ANKRD28: variants seen among roughly 807,000 people sequenced by gnomAD.
ANKRD28 encodes the protein ankyrin repeat domain 28.
Under a neutral mutation model 126.5 loss-of-function variants are expected in ANKRD28, and 44 were observed. The ratio of observed to expected loss-of-function variants is 0.35; its 90% CI spans 0.27 to 0.45. The LOEUF (loss-of-function observed/expected upper bound fraction) is 0.45. Among genes scored for constraint, ANKRD28 ranks in the 20% least tolerant of loss-of-function variants. The probability of loss-of-function intolerance (pLI) is 1.00; values close to 1 mark genes in which losing one functional copy is unlikely to be tolerated. For missense variants in ANKRD28, 1,110 were observed against 1,316.6 expected (o/e 0.84, Z 2.43); for synonymous variants, 442 against 468.5 (o/e 0.94, Z 0.73).
chr3:15,670,218 G>GA lies in ANKRD28; in HGVS notation c.*51dup. 6.4e-7 allele frequency: 1 copy of GA among 1,567,694 alleles called. No homozygotes were observed. ...GTGAATATCAAAGTGCCTTTTTCCT[G>GA]AAAAAGCACAGTTTGAAGCTTTACT... On this transcript the variant is annotated 3_prime_UTR_variant, in exon 28 of 28. Coordinates refer to ENST00000683139, the MANE Select transcript of ANKRD28 (RefSeq NM_001349278.2).
intron 20 of ANKRD28, 87 bp from the exon 21 acceptor site, chr3:15,685,532 T>C: frequency 1.8e-6 from 2 of 1,130,054 alleles, no homozygotes; most frequent in Non-Finnish European, 2.6e-6. Flanking sequence ...TTAAAGACCA[T>C]ACTCTCCATA....
chr3:15,788,353 G>A (rs531182933), intron 2 of ANKRD28, among the ~76,000 whole-genome samples: 40 of 152,042 alleles, frequency 2.6e-4, no homozygotes, highest in Non-Finnish European at 5.3e-4. Context: ...TTTGGCAGAA[G>A]AAAAAATATT....
chr3:15,689,548 A>G (rs183808570), intron 18 of ANKRD28, among the ~76,000 whole-genome samples: 1 of 152,370 alleles, frequency 6.6e-6, no homozygotes, highest in African/African-American at 2.4e-5. Flanking sequence ...TCTTTTGTGC[A>G]GAGGAGCTTC....
At chr3:15,763,327 T>C (rs986822483) in intron 3 of ANKRD28, among the ~76,000 whole-genome samples, 5 of 152,154 alleles carry the variant, frequency 3.3e-5, no homozygotes, top group African/African-American at 9.7e-5. Context: ...CATTAAAGAC[T>C]TGAGAAACAA....
chr3:15,724,541 G>GAAAAAA lies in ANKRD28; in HGVS notation c.641-18_641-17insTTTTTT. On this transcript the variant is annotated splice_polypyrimidine_tract_variant and intron_variant, in intron 6 of 27. Transcript: ENST00000683139. The stretch of plus-strand genomic sequence containing the variant: ...CAATGTGACCTAAAAATGTGTTTTT[G>GAAAAAA]AAGAAAAAAATAGAGATGAGCATAT... The GAAAAAA allele has an allele frequency of 6.5e-7, 1 of 1,544,836 alleles. No individual in the cohort carries two copies. Among genetic ancestry groups the GAAAAAA allele is most frequent in the Admixed American group, 2.1e-5 (1 of 47,230 alleles).
At chr3:15,756,624 T>C (rs1225276456) in intron 3 of ANKRD28, 4 of 473,760 alleles carry the variant, frequency 8.4e-6, no homozygotes, top group Non-Finnish European at 1.1e-5. Context: ...TAGTTGGCTG[T>C]GTGACCTGGA....
intron 2 of ANKRD28, among the ~76,000 whole-genome samples, chr3:15,789,530 T>G (rs1208061064): frequency 6.6e-6 from 1 of 152,050 alleles, no homozygotes; most frequent in Non-Finnish European, 1.5e-5. Flanking sequence ...GATACAGCAG[T>G]CATCTCTTTA....
intron 1 of ANKRD28, among the ~76,000 whole-genome samples, chr3:15,852,805 C>T (rs1012669477): frequency 7.1e-5 from 10 of 141,486 alleles, no homozygotes; most frequent in Non-Finnish European, 9.0e-5. Context: ...TGCACTCCAG[C>T]CTGGGCGACA....
intron 25 of ANKRD28, 65 bp downstream of exon 25, chr3:15,677,415 C>A: frequency 1.6e-6 from 2 of 1,268,744 alleles, no homozygotes; most frequent in South Asian, 2.5e-5. Context: ...TTAGTGAAGT[C>A]AAAAAACTTT....
intron 4 of ANKRD28, among the ~76,000 whole-genome samples, chr3:15,737,938 T>A (rs992318095): frequency 6.6e-6 from 1 of 151,842 alleles, no homozygotes; most frequent in African/African-American, 2.4e-5. Context: ...AAGGTTCTTT[T>A]TGCAGTGCTG....
rs1003673834 is a variant in ANKRD28 at position 15,816,661 on chromosome 3, A to C, written c.28-21355T>G. ...TAACCCACTAGATGCTAACTAACAA[A>C]CATTTAAGTTACATGAAACTGAAAA... On this transcript the variant is annotated intron_variant, in intron 1 of 27. Transcript: ENST00000399451. The surrounding 1 kb of genome is among the most constrained non-coding windows in gnomAD (Gnocchi z 5.0). Among the ~76,000 whole-genome samples, 1 of 152,222 alleles carries C rather than the reference A, an allele frequency of 6.6e-6. No homozygotes were observed. The highest frequency in any genetic ancestry group is 6.5e-5 in the Admixed American group (1 of 15,278).
At chr3:15,850,685 T>C (rs2061633977) in intron 1 of ANKRD28, among the ~76,000 whole-genome samples, 1 of 152,198 alleles carries the variant, frequency 6.6e-6, no homozygotes, top group South Asian at 2.1e-4. Context: ...GCATGGAAGC[T>C]TCTACTCTTT....
In ANKRD28 at chr3:15,669,980, C is replaced by T; in HGVS notation, c.*290G>A. 2.9e-6 allele frequency: 1 copy of T among 339,420 alleles called. No homozygotes were observed. Among genetic ancestry groups the T allele is most frequent in the Non-Finnish European group, 5.5e-6 (1 of 183,390 alleles). The allele number at this position is 339,420 out of a possible 1,614,324, so 21.0% of individuals were successfully genotyped here. On this transcript the variant is annotated 3_prime_UTR_variant, in exon 28 of 28. Transcript: ENST00000683139. ...TTGCTTGTGTAAGCAGGTTAGAGTGCACAGTGTCCCCAATTGTTCCTGGCA... is the reference window on the plus strand; with the variant it reads ...TTGCTTGTGTAAGCAGGTTAGAGTGTACAGTGTCCCCAATTGTTCCTGGCA...
chr3:15,850,252 GA>G (rs2061622100), intron 1 of ANKRD28, among the ~76,000 whole-genome samples: 1 of 139,576 alleles, frequency 7.2e-6, no homozygotes, highest in African/African-American at 2.6e-5. Flanking sequence ...GAGAGAGAGA[GA>G]GAGAGAGAGA....
At chr3:15,759,991 G>C (rs528845389) in intron 3 of ANKRD28, among the ~76,000 whole-genome samples, 15 of 152,086 alleles carry the variant, frequency 9.9e-5, no homozygotes, top group African/African-American at 3.6e-4. Flanking sequence ...GACCAAGAAG[G>C]CATCTTTATT....
At chr3:15,856,121 C>A (rs1325766006) in intron 1 of ANKRD28, among the ~76,000 whole-genome samples, 1 of 152,152 alleles carries the variant, frequency 6.6e-6, no homozygotes, top group African/African-American at 2.4e-5. Flanking sequence ...ACGGTAGCTA[C>A]CGACTTGCCA....
rs564911649 is a variant in ANKRD28, at chr3:15,714,552, A to C, written c.1075+26T>G. On this transcript the variant is annotated intron_variant, in intron 9 of 27. Transcript: ENST00000683139. ...TTTAAGAAAAAAAAAAAAAAACCCC[A>C]AAAAAAAAACAGAAATACTTTTTAC... is the stretch of plus-strand genomic sequence containing the variant. The C allele has an allele frequency of 5.3e-3, 7,287 of 1,366,494 alleles. 40 individuals are homozygous for C. Among genetic ancestry groups the C allele is most frequent in the African/African-American group, 0.013 (833 of 62,516 alleles). 84.6% of individuals were successfully genotyped at this position (1,366,494 alleles called of 1,614,324 possible). A position where few individuals can be genotyped will look rare whatever the true frequency, so the allele number is the denominator to read the frequency against.
intron 2 of ANKRD28, among the ~76,000 whole-genome samples, chr3:15,777,919 C>A (rs1458028606): frequency 6.6e-6 from 1 of 150,956 alleles, no homozygotes; most frequent in East Asian, 1.9e-4. Context: ...CCGCCCTAGC[C>A]CCGTCAATAC....
At chr3:15,727,563 TC>T (rs1257978763) in intron 6 of ANKRD28, among the ~76,000 whole-genome samples, 1 of 14,676 alleles carries the variant, frequency 6.8e-5, no homozygotes, top group African/African-American at 5.4e-4. Flanking sequence ...CGAAACTCTG[TC>T]AAAAAAAAAA....
Sources: allele counts gnomAD v4.1 joint callset (sites outside exome capture counted in the v4.1 genomes callset), GRCh38; gene constraint gnomAD v4.1.1; non-coding constraint Gnocchi (gnomAD v3.1); transcripts MANE v1.5; gene names NCBI Gene and HGNC (gene_info 2026-07-23, HGNC 2026-07-21).